NRG2: variants seen among roughly 807,000 people sequenced by gnomAD.
NRG2 encodes the protein pro-neuregulin-2, membrane-bound isoform.
NRG2 carries 27 observed loss-of-function variants against 73.9 expected under a neutral mutation model. The ratio of observed to expected loss-of-function variants is 0.37; its 90% confidence interval spans 0.27 to 0.50. The LOEUF (loss-of-function observed/expected upper bound fraction) is 0.50, where lower values mean the gene tolerates loss of function less well. Among genes scored for constraint, NRG2 ranks in the 20% least tolerant of loss-of-function variants. The pLI, the probability that NRG2 is intolerant of heterozygous loss-of-function variation, is 0.96. For synonymous variants in NRG2, 532 were observed against 541.0 expected (o/e 0.98, Z 0.23); for missense variants, 1,126 against 1,210.1 (o/e 0.93, Z 1.03).
intron 1 of NRG2, among the ~76,000 whole-genome samples, chr5:139,963,961 C>T (rs1386225505): frequency 1.3e-5 from 2 of 152,100 alleles, no homozygotes; most frequent in Non-Finnish European, 2.9e-5. Flanking sequence ...AGATTGAAGA[C>T]CTATTATTTC....
Position 139,873,097 on chromosome 5 carries a change from G to A in NRG2, c.992-1256C>T, listed in dbSNP as rs534746456. On this transcript the variant is annotated intron_variant, in intron 3 of 9. Transcript: ENST00000361474. ...TCAGTGTTTAGACATGTGGGGAGACGGATGGAGCACAGGGGGCTGGGAGTG... is the reference window on the plus strand; with the variant it reads ...TCAGTGTTTAGACATGTGGGGAGACAGATGGAGCACAGGGGGCTGGGAGTG... 9.3e-4 allele frequency among the ~76,000 whole-genome samples: 141 copies of A among 152,302 alleles called. 1 individual carries two copies. Among genetic ancestry groups the A allele is most frequent in the South Asian group, 1.0e-3 (5 of 4,834 alleles).
At position 139,865,961 on chromosome 5, in the gene NRG2, T is replaced by C. The variant is rs891817598; in HGVS notation, c.1113-336A>G. Among the ~76,000 whole-genome samples the C allele has an allele frequency of 1.3e-5, 2 of 152,196 alleles. No homozygotes were observed. Among genetic ancestry groups the C allele is most frequent in the Admixed American group, 6.5e-5 (1 of 15,284 alleles). On this transcript the variant is annotated intron_variant, in intron 4 of 9. Transcript: ENST00000361474. The surrounding 1 kb of genome is among the most constrained non-coding windows in gnomAD (Gnocchi z 5.2). Reference sequence around the variant, plus strand: ...GCCTGGTGCCCCATGAAGCAAGCACTGTGGCCTCTTGGTGCCAGGCAGTCA... The same window carrying C: ...GCCTGGTGCCCCATGAAGCAAGCACCGTGGCCTCTTGGTGCCAGGCAGTCA...
chr5:139,933,240 AC>A (rs1419388443), intron 1 of NRG2, among the ~76,000 whole-genome samples: 1 of 151,966 alleles, frequency 6.6e-6, no homozygotes, highest in African/African-American at 2.4e-5. Context: ...ATACCATTGC[AC>A]TCCAGCCTGG....
chr5:139,990,080 G>A (rs933926163), intron 1 of NRG2, among the ~76,000 whole-genome samples: 2 of 151,762 alleles, frequency 1.3e-5, no homozygotes, highest in East Asian at 1.9e-4. Context: ...GAGCCACTGT[G>A]CCTGGCCTTA....
chr5:139,849,800 C>G (rs1761288555), intron 9 of NRG2, among the ~76,000 whole-genome samples: 1 of 152,228 alleles, frequency 6.6e-6, no homozygotes, highest in Non-Finnish European at 1.5e-5. Context: ...CTCTCCACCC[C>G]ATCCTGGGCC....
intron 1 of NRG2, among the ~76,000 whole-genome samples, chr5:140,014,085 T>C (rs1759580922): frequency 6.6e-6 from 1 of 152,146 alleles, no homozygotes; most frequent in Non-Finnish European, 1.5e-5. Context: ...TCCATATTTA[T>C]ACCTCCAGCC....
Position 139,856,375 on chromosome 5 carries a change from C to T in NRG2, c.1190-597G>A, listed in dbSNP as rs144080049. The T allele has an allele frequency of 4.3e-3, 674 of 155,066 alleles. 3 individuals carry two copies. The highest frequency in any genetic ancestry group is 0.016 in the African/African-American group (648 of 41,620). The allele number at this position is 155,066 out of a possible 1,614,324, so 9.6% of individuals were successfully genotyped here. A position where few individuals can be genotyped will look rare whatever the true frequency, so the allele number is the denominator to read the frequency against. On this transcript the variant is annotated intron_variant, in intron 5 of 9. Transcript: ENST00000361474. This position sits in a 1 kb window ranked among gnomAD's most constrained non-coding sequence, Gnocchi z 4.2. Reference sequence around the variant, plus strand: ...GCTGGTGTGCAAGGAACAGCCCCCACCGTTGCTGAGGAGCTGAGCTAGGCT... The same window carrying T: ...GCTGGTGTGCAAGGAACAGCCCCCATCGTTGCTGAGGAGCTGAGCTAGGCT...
chr5:139,852,822 C>A lies in NRG2; in HGVS notation c.1416+82G>T. 1.3e-6 allele frequency: 2 copies of A among 1,589,564 alleles called. No individual in the cohort carries two copies. Among genetic ancestry groups the A allele is most frequent in the South Asian group, 2.3e-5 (2 of 87,976 alleles). On this transcript the variant is annotated intron_variant, in intron 7 of 9. Coordinates refer to ENST00000361474, the MANE Select transcript of NRG2 (RefSeq NM_004883.3). This position sits in a 1 kb window ranked among gnomAD's most constrained non-coding sequence, Gnocchi z 4.4. ...TGGCCATGGGATAGGCTGGCTGCTG[C>A]CCTGGCCCATCCTTGCAGGGGGCAT...
At chr5:139,939,210 TCC>T in intron 1 of NRG2, among the ~76,000 whole-genome samples, 1 of 123,822 alleles carries the variant, frequency 8.1e-6, no homozygotes, top group Non-Finnish European at 1.6e-5. Context: ...TTTCTTTCCT[TCC>T]TTCCTTCCTT....
At chr5:140,039,114 A>G (rs1321800297) in intron 1 of NRG2, among the ~76,000 whole-genome samples, 1 of 152,232 alleles carries the variant, frequency 6.6e-6, no homozygotes, top group Non-Finnish European at 1.5e-5. Flanking sequence ...TACACTGGAA[A>G]ACTGCTAATC....
At chr5:139,990,463 A>C (rs1312493955) in intron 1 of NRG2, among the ~76,000 whole-genome samples, 1 of 151,888 alleles carries the variant, frequency 6.6e-6, no homozygotes, top group Non-Finnish European at 1.5e-5. Context: ...ACACCACTAC[A>C]TCAAGCTAAT....
At chr5:139,991,676 C>T (rs891261017) in intron 1 of NRG2, among the ~76,000 whole-genome samples, 2 of 152,144 alleles carry the variant, frequency 1.3e-5, no homozygotes, top group African/African-American at 2.4e-5. Flanking sequence ...GGATTACAGG[C>T]GTGAGCCACT....
intron 1 of NRG2, among the ~76,000 whole-genome samples, chr5:139,981,130 G>T (rs1345190724): frequency 6.6e-6 from 1 of 152,144 alleles, no homozygotes; most frequent in Non-Finnish European, 1.5e-5. Flanking sequence ...ATCTATGCTG[G>T]GCTTGCTGTA....
At chr5:139,938,370 T>A (rs932284123) in intron 1 of NRG2, among the ~76,000 whole-genome samples, 11 of 152,010 alleles carry the variant, frequency 7.2e-5, no homozygotes, top group African/African-American at 2.7e-4. Flanking sequence ...TACTTTTTTT[T>A]TTTTGAGACA....
At chr5:139,952,382 T>C (rs1274406848) in intron 1 of NRG2, among the ~76,000 whole-genome samples, 2 of 151,548 alleles carry the variant, frequency 1.3e-5, no homozygotes, top group African/African-American at 4.9e-5. Context: ...GAGGCAAGGG[T>C]GGGAAACAGG....
intron 1 of NRG2, among the ~76,000 whole-genome samples, chr5:139,898,464 A>G (rs1040804160): frequency 6.6e-6 from 1 of 152,166 alleles, no homozygotes; most frequent in African/African-American, 2.4e-5. Context: ...AAGGGAGTGA[A>G]CTATGAGTTC....
At chr5:140,017,103 A>G (rs1333618475) in intron 1 of NRG2, among the ~76,000 whole-genome samples, 1 of 152,230 alleles carries the variant, frequency 6.6e-6, no homozygotes. Flanking sequence ...ATACAGTAAA[A>G]CAGATGAAAG....
intron 1 of NRG2, among the ~76,000 whole-genome samples, chr5:139,900,709 T>C (rs560040266): frequency 1.5e-3 from 228 of 152,272 alleles, no homozygotes; most frequent in African/African-American, 5.4e-3. Context: ...CAGGTATGGG[T>C]AGCAACTGGG....
chr5:139,947,278 C>T (rs549649112), intron 1 of NRG2, among the ~76,000 whole-genome samples: 4 of 152,182 alleles, frequency 2.6e-5, no homozygotes, highest in African/African-American at 9.7e-5. Context: ...AATCAGCCTT[C>T]TGTATCTAAA....
Sources: gnomAD v4.1 joint callset for allele counts (sites outside exome capture counted in the v4.1 genomes callset) on GRCh38, gnomAD v4.1.1 for gene constraint, Gnocchi (gnomAD v3.1) non-coding constraint, MANE v1.5 for transcripts, NCBI Gene and HGNC (gene_info 2026-07-23, HGNC 2026-07-21) for gene names.